The following SUZ12 variants were observed in gnomAD, a reference collection of about 807,000 sequenced individuals.
SUZ12 encodes the protein polycomb protein SUZ12.
Under a neutral mutation model 87.3 loss-of-function variants are expected in SUZ12, and 17 were observed. The observed-to-expected ratio is 0.19, with a 90% CI of 0.13 to 0.29. SUZ12 has a LOEUF of 0.29. SUZ12 is among the 10% of genes least tolerant of loss of function. The probability of loss-of-function intolerance (pLI) is 1.00; values close to 1 mark genes in which losing one functional copy is unlikely to be tolerated. For synonymous variants in SUZ12, 253 were observed against 312.4 expected (o/e 0.81, Z 2.01); for missense variants, 526 against 912.2 (o/e 0.58, Z 5.45).
intron 9 of SUZ12, among the ~76,000 whole-genome samples, 170 bp downstream of exon 9, chr17:31,983,274 C>CTTTTTT (rs10681815): frequency 0.028 from 3,279 of 118,004 alleles, 184 homozygotes; most frequent in African/African-American, 0.1. Context: ...AGGTATCATT[C>CTTTTTT]TTTTTTTTTT....
chr17:31,963,927 C>T (rs1907919272), intron 4 of SUZ12: 2 of 152,338 alleles, frequency 1.3e-5, no homozygotes, highest in Non-Finnish European at 2.9e-5. Context: ...GTGGTATGGC[C>T]ATAGGCACCG....
chr17:31,976,539 C>T lies in SUZ12; in HGVS notation c.842C>T (p.Pro281Leu). The change falls in exon 8 of 16, where the codon CCA (proline) becomes CTA (leucine). Residue 281 changes from proline (P) to leucine (L), a missense_variant. Physicochemically the swap from Pro to Leu is moderately conservative, Grantham distance 98. Transcript: ENST00000322652. The stretch of plus-strand genomic sequence containing the variant: ...AATTTAGATGTCAATGAAGAGCTTC[C>T]AGCCAGAAGAAAACGAAATCGTGAG... The part of the protein sequence containing the change: ...NENIDVNEEL[P>L]ARRKRNREDG... 1 of 1,612,634 alleles carries T rather than the reference C, an allele frequency of 6.2e-7. No homozygotes were observed. Among genetic ancestry groups the T allele is most frequent in the Non-Finnish European group, 8.5e-7 (1 of 1,179,192 alleles).
Position 31,999,574 on chromosome 17 carries a change from A to G in SUZ12, c.*571A>G, listed in dbSNP as rs1910154359. On this transcript the variant is annotated 3_prime_UTR_variant, in exon 16 of 16. Coordinates refer to ENST00000322652, the MANE Select transcript of SUZ12 (RefSeq NM_015355.4). ...GAATGAAAAATTATAATGTAATTTT[A>G]CATTACATAAGTTCCTTTTACAATT... 3 of 231,272 alleles carry G rather than the reference A, an allele frequency of 1.3e-5. No individual in the cohort carries two copies. The highest frequency in any genetic ancestry group is 5.6e-5 in the Admixed American group (1 of 17,730). 14.3% of individuals were successfully genotyped at this position (231,272 alleles called of 1,614,324 possible).
chr17:31,965,153 A>T (rs545386365), intron 4 of SUZ12, among the ~76,000 whole-genome samples: 28 of 152,000 alleles, frequency 1.8e-4, no homozygotes, highest in African/African-American at 5.1e-4. Flanking sequence ...ATTTAAAAAA[A>T]AAATATATAT....
intron 4 of SUZ12, among the ~76,000 whole-genome samples, chr17:31,956,710 A>C (rs1430353599): frequency 1.3e-5 from 2 of 151,772 alleles, no homozygotes; most frequent in Admixed American, 1.3e-4. Context: ...AAAGTCATTA[A>C]ATTCTTAAAT....
chr17:31,973,664 A>G (rs1309554797), intron 6 of SUZ12, among the ~76,000 whole-genome samples: 1 of 152,206 alleles, frequency 6.6e-6, no homozygotes, highest in Non-Finnish European at 1.5e-5. Context: ...CCATTCACTT[A>G]TTAGTACATT....
At chr17:31,961,501 A>G (rs1907711288) in intron 4 of SUZ12, among the ~76,000 whole-genome samples, 1 of 151,898 alleles carries the variant, frequency 6.6e-6, no homozygotes, top group African/African-American at 2.4e-5. Context: ...CTGAGATCGC[A>G]CCACTGCACT....
chr17:31,961,194 C>G (rs965769478), intron 4 of SUZ12, among the ~76,000 whole-genome samples: 3 of 150,800 alleles, frequency 2.0e-5, no homozygotes, highest in Non-Finnish European at 4.4e-5. Context: ...GCCTGGGTGA[C>G]AGAGCGAGAC....
At chr17:31,985,963 G>GC (rs201836028) in intron 9 of SUZ12, among the ~76,000 whole-genome samples, 15,035 of 149,226 alleles carry the variant, frequency 0.1, 1,016 homozygotes, top group Middle Eastern at 0.17. Flanking sequence ...GCCCGGCCTG[G>GC]CCTTTTTTTG....
chr17:31,997,666 C>CAAAAAAAAAAAAAAAAAAAA (rs892389046), intron 15 of SUZ12, among the ~76,000 whole-genome samples: 4 of 70,422 alleles, frequency 5.7e-5, no homozygotes, highest in Admixed American at 1.8e-4. Flanking sequence ...ACCCTATCTC[C>CAAAAAAAAAAAAAAAAAAAA]AAAAAAAAAA....
rs1192634536 is a variant in SUZ12 at position 31,937,260 on chromosome 17, A to G, written c.14A>G (p.Lys5Arg). The change falls in exon 1 of 16, where the codon AAG becomes AGG. Residue 5 changes from lysine to arginine, a missense_variant. Lys to Arg is a conservative substitution (Grantham distance 26). Transcript: ENST00000322652. MAPQ[K>R]HGGGGGGGSG... ...GCAGGAACCGCGATGGCGCCTCAGA[A>G]GCACGGCGGTGGGGGAGGGGGCGGC... is the stretch of plus-strand genomic sequence containing the variant. The G allele has an allele frequency of 1.4e-6, 2 of 1,396,662 alleles. No homozygotes were observed. 86.5% of individuals were successfully genotyped at this position (1,396,662 alleles called of 1,614,324 possible). A position where few individuals can be genotyped will look rare whatever the true frequency, so the allele number is the denominator to read the frequency against.
chr17:31,987,178 G>C lies in SUZ12; in HGVS notation c.1024-1142G>C, dbSNP rs536918429. 1.8e-4 allele frequency among the ~76,000 whole-genome samples: 27 copies of C among 152,260 alleles called. No homozygotes were observed. The South Asian group carries it at 5.2e-3, about 29-fold the overall frequency. ...GTCAAATATAATTCCAAAATTTTTA[G>C]CTTAGGGTCACTAGTAGAATGATAA... On this transcript the variant is annotated intron_variant, in intron 9 of 15. Transcript: ENST00000322652.
chr17:31,964,441 CT>C (rs1176186360), intron 4 of SUZ12, among the ~76,000 whole-genome samples: 3 of 151,384 alleles, frequency 2.0e-5, no homozygotes. Flanking sequence ...GAGTCTCCCC[CT>C]GTCACCCAGG....
rs1480606510 is a variant in SUZ12, at chr17:31,981,231, T to C, written c.918-1768T>C. On this transcript the variant is annotated intron_variant, in intron 8 of 15. Transcript: ENST00000322652. ...CTTTCAGGTAGATGTCTGTCATTCT[T>C]GAATGTAAACAGGTCATACTAATTT... Among the ~76,000 whole-genome samples the C allele has an allele frequency of 3.3e-5, 5 of 152,198 alleles. No homozygotes were observed. In the East Asian group the frequency reaches 5.8e-4, roughly 18 times the overall value.
At chr17:31,983,647 G>A (rs527751411) in intron 9 of SUZ12, among the ~76,000 whole-genome samples, 65 of 152,276 alleles carry the variant, frequency 4.3e-4, no homozygotes, top group African/African-American at 9.4e-4. Context: ...GCTATGTGGC[G>A]TTTGGCAAGT....
At position 31,937,438 on chromosome 17, in the gene SUZ12, G is replaced by A. The variant is rs548527642; in HGVS notation, c.192G>A (p.Ala64=). The change falls in exon 1 of 16, where the codon GCG becomes GCA. Residue 64 remains alanine (A), a synonymous_variant. Coordinates refer to ENST00000322652, the MANE Select transcript of SUZ12 (RefSeq NM_015355.4). ...CCTCCTCCTCCGCGGCGGCAGCGGC[G>A]GGGGCTGCGGTGTTACCGGTGAAGA... ...ASSSSSAAAA[A]GAAVLPVKKP... is the part of the protein sequence containing the mutation. The A allele has an allele frequency of 1.3e-6, 2 of 1,540,836 alleles. No individual in the cohort carries two copies.
chr17:31,983,134 T>C, intron 9 of SUZ12, 30 bp downstream of exon 9: 2 of 1,597,636 alleles, frequency 1.3e-6, no homozygotes, highest in Non-Finnish European at 8.5e-7. Flanking sequence ...TTGAGCACGT[T>C]ATAGTTATGA....
At chr17:31,957,029 G>A (rs1358419871) in intron 4 of SUZ12, among the ~76,000 whole-genome samples, 3 of 152,082 alleles carry the variant, frequency 2.0e-5, no homozygotes, top group African/African-American at 2.4e-5. Flanking sequence ...ACCCACCTCG[G>A]CCTCCCAAAG....
At position 31,980,429 on chromosome 17, in the gene SUZ12, C is replaced by CT. The variant is rs58491591; in HGVS notation, c.918-2533dup. On this transcript the variant is annotated intron_variant, in intron 8 of 15. Coordinates refer to ENST00000322652, the MANE Select transcript of SUZ12 (RefSeq NM_015355.4). ...TAAGATATACCAGAATCACCTTCTC[C>CT]TTTTTTTTTTTTTTTTTTTTTTTTT... 5.4e-3 allele frequency among the ~76,000 whole-genome samples: 293 copies of CT among 53,824 alleles called. 63 individuals are homozygous for CT. The highest frequency in any genetic ancestry group is 7.0e-3 in the Non-Finnish European group (211 of 30,154). The allele number at this position is 53,824 out of a possible 152,430, so 35.3% of individuals were successfully genotyped here. A position where few individuals can be genotyped will look rare whatever the true frequency, so the allele number is the denominator to read the frequency against.
Sources: gnomAD v4.1 joint callset for allele counts (sites outside exome capture counted in the v4.1 genomes callset) on GRCh38, gnomAD v4.1.1 for gene constraint, MANE v1.5 for transcripts, NCBI Gene and HGNC (gene_info 2026-07-23, HGNC 2026-07-21) for gene names.